MTREX: variants seen among roughly 807,000 people sequenced by gnomAD.
The protein encoded by MTREX is exosome RNA helicase MTR4.
In MTREX, 76 loss-of-function variants were observed where a neutral mutation model predicts 135.4. The observed-to-expected ratio is 0.56, with a 90% CI of 0.47 to 0.68. The LOEUF is 0.68. MTREX is among the 30% of genes least tolerant of loss of function. The pLI is 0.00. For missense variants in MTREX, 920 were observed against 1,262.1 expected, an observed-to-expected ratio of 0.73 and a Z score of 4.11; for synonymous variants, 404 against 401.6, an observed-to-expected ratio of 1.01 and a Z score of -0.07.
chr5:55,421,920 T>G (rs1751061146), intron 25 of MTREX, among the ~76,000 whole-genome samples: 1 of 152,204 alleles, frequency 6.6e-6, no homozygotes, highest in Non-Finnish European at 1.5e-5. Context: ...TCCTACCCTC[T>G]CTCTTGACAC....
chr5:55,413,301 C>T (rs1750912479), intron 23 of MTREX, among the ~76,000 whole-genome samples: 1 of 149,168 alleles, frequency 6.7e-6, no homozygotes, highest in African/African-American at 2.5e-5. Flanking sequence ...TGCACCATTG[C>T]ACTCCAGCTG....
chr5:55,409,935 C>T (rs1254400420), intron 22 of MTREX, among the ~76,000 whole-genome samples: 2 of 152,096 alleles, frequency 1.3e-5, no homozygotes, highest in African/African-American at 2.4e-5. Flanking sequence ...AGTCTTCTGG[C>T]CAGGTGTAGT....
intron 19 of MTREX, among the ~76,000 whole-genome samples, chr5:55,388,756 C>G (rs1750520519): frequency 6.6e-6 from 1 of 152,134 alleles, no homozygotes; most frequent in African/African-American, 2.4e-5. Flanking sequence ...GGAGGAGGCT[C>G]TGTAATGACT....
chr5:55,340,158 G>A lies in MTREX; in HGVS notation c.664G>A (p.Ala222Thr), dbSNP rs1434720071. The A allele has an allele frequency of 6.3e-7, 1 of 1,593,726 alleles. No homozygotes were observed. Among genetic ancestry groups the A allele is most frequent in the South Asian group, 1.1e-5 (1 of 87,160 alleles). The change falls in exon 6 of 27, where the codon GCA becomes ACA. Residue 222 changes from alanine (A) to threonine (T), a missense_variant. Around this residue, in one of 6 missense-constraint regions of MTREX, gnomAD observed 88 missense variants for 202.5 expected, o/e 0.43. Transcript: ENST00000230640. ...TGGTGATGTTACTATTAATCCTACG[G>A]CATCTTGTCTTGTTATGACCACAGA... is the stretch of plus-strand genomic sequence containing the variant. ...MTGDVTINPT[A>T]SCLVMTTEIL... is the part of the protein sequence containing the mutation.
chr5:55,309,815 T>G (rs940385859), intron 1 of MTREX, among the ~76,000 whole-genome samples: 1 of 152,128 alleles, frequency 6.6e-6, no homozygotes, highest in African/African-American at 2.4e-5. Context: ...ACAGAACTTC[T>G]GGAGAGGGTA....
intron 4 of MTREX, 44 bp from the exon 5 acceptor site, chr5:55,328,655 C>A: frequency 7.6e-7 from 1 of 1,315,918 alleles, no homozygotes; most frequent in Non-Finnish European, 1.1e-6. Context: ...TGCTCTGATA[C>A]AACTAGATGT....
Position 55,397,506 on chromosome 5 carries a change from A to G in MTREX, c.2272A>G (p.Ser758Gly). ...KDLRPVDNRQ[S>G]VLKSIQEVQK... ...CCTTCGGCCGGTGGACAATAGACAG[A>G]GTGTTTTAAAATCAATACAGGTATG... Residue 758 changes from serine (S) to glycine (G), a missense_variant, in exon 20 of 27, where the codon AGT becomes GGT. Ser to Gly is a moderately conservative substitution (Grantham distance 56, BLOSUM62 0). Coordinates refer to ENST00000230640, the MANE Select transcript of MTREX (RefSeq NM_015360.5). 6.2e-7 allele frequency: 1 copy of G among 1,604,770 alleles called. No individual in the cohort carries two copies. Among genetic ancestry groups the G allele is most frequent in the South Asian group, 1.1e-5 (1 of 90,108 alleles).
At chr5:55,336,164 A>G (rs1024852538) in intron 5 of MTREX, among the ~76,000 whole-genome samples, 1 of 152,146 alleles carries the variant, frequency 6.6e-6, no homozygotes, top group Non-Finnish European at 1.5e-5. Context: ...AAGACTTTCT[A>G]TATAGATGAT....
intron 25 of MTREX, 107 bp downstream of exon 25, chr5:55,416,239 A>C: frequency 2.9e-6 from 2 of 679,282 alleles, no homozygotes; most frequent in Non-Finnish European, 4.7e-6. Flanking sequence ...TTTGGTAACT[A>C]AATGAAATCT....
chr5:55,355,983 A>G (rs1749906060), intron 14 of MTREX, among the ~76,000 whole-genome samples: 1 of 152,178 alleles, frequency 6.6e-6, no homozygotes, highest in Non-Finnish European at 1.5e-5. Context: ...AGGGTTAGGG[A>G]GACAGTGAAG....
At position 55,414,168 on chromosome 5, in the gene MTREX, C is replaced by T. The variant is rs762652256; in HGVS notation, c.2752-14C>T. Reference sequence around the variant, plus strand: ...ACGTGGGTTTTTATATCTTGTTTTCCTTTTCTTTTATAGTCTAGTGAGATG... The same window carrying T: ...ACGTGGGTTTTTATATCTTGTTTTCTTTTTCTTTTATAGTCTAGTGAGATG... On this transcript the variant is annotated splice_polypyrimidine_tract_variant and intron_variant, in intron 23 of 26. Coordinates refer to ENST00000230640, the MANE Select transcript of MTREX (RefSeq NM_015360.5). 1.4e-5 allele frequency: 21 copies of T among 1,531,482 alleles called. 1 individual carries two copies. In the South Asian group the frequency reaches 2.8e-4, roughly 20 times the overall value. The allele number at this position is 1,531,482 out of a possible 1,614,324, so 94.9% of individuals were successfully genotyped here.
chr5:55,319,494 A>G (rs1417345938), intron 1 of MTREX, among the ~76,000 whole-genome samples: 2 of 152,160 alleles, frequency 1.3e-5, no homozygotes, highest in Non-Finnish European at 2.9e-5. Context: ...GTTGGCCAAT[A>G]AGTTATAATT....
chr5:55,394,036 CA>C (rs1399575038), intron 19 of MTREX, among the ~76,000 whole-genome samples: 1 of 152,114 alleles, frequency 6.6e-6, no homozygotes, highest in Non-Finnish European at 1.5e-5. Context: ...TTATGGAAAG[CA>C]GCCTTTGAAA....
At chr5:55,324,377 C>T (rs1459058110) in intron 3 of MTREX, 179 bp downstream of exon 3, 1 of 350,412 alleles carries the variant, frequency 2.9e-6, no homozygotes, top group Non-Finnish European at 5.1e-6. Flanking sequence ...CAGATCCTCC[C>T]CCAGCATTTT....
At chr5:55,381,040 T>C (rs1045461960) in intron 18 of MTREX, among the ~76,000 whole-genome samples, 1 of 152,206 alleles carries the variant, frequency 6.6e-6, no homozygotes, top group African/African-American at 2.4e-5. Flanking sequence ...GTTCTTCAGA[T>C]TGTCTGTAAT....
intron 7 of MTREX, 91 bp from the exon 8 acceptor site, chr5:55,343,240 T>C: frequency 1.7e-6 from 2 of 1,178,408 alleles, no homozygotes; most frequent in Non-Finnish European, 2.4e-6. Flanking sequence ...CATTTCTAAC[T>C]ATAAAGCTTC....
chr5:55,416,073 A>T lies in MTREX; in HGVS notation c.2912A>T (p.Tyr971Phe). 1 of 1,597,006 alleles carries T rather than the reference A, an allele frequency of 6.3e-7. No individual in the cohort carries two copies. The change falls in exon 25 of 27, where the codon TAT becomes TTT. Residue 971 changes from tyrosine (Y) to phenylalanine (F), a missense_variant. Around this residue, in one of 6 missense-constraint regions of MTREX, gnomAD observed 467 missense variants for 589.7 expected, o/e 0.79. Transcript: ENST00000230640. ...SFKPHLMDVV[Y>F]TWATGATFAH... ...AAACCTCACTTAATGGATGTAGTAT[A>T]TACCTGGGCAACTGGAGCTACATTT...
chr5:55,402,674 A>G (rs1341412169), intron 21 of MTREX, among the ~76,000 whole-genome samples: 2 of 152,144 alleles, frequency 1.3e-5, no homozygotes, highest in Non-Finnish European at 2.9e-5. Context: ...TACACCAGAA[A>G]AGACTGAAAG....
chr5:55,345,174 A>T lies in MTREX; in HGVS notation c.1086A>T (p.Lys362Asn). The T allele has an allele frequency of 6.2e-7, 1 of 1,611,534 alleles. No individual in the cohort carries two copies. Among genetic ancestry groups the T allele is most frequent in the Non-Finnish European group, 8.5e-7 (1 of 1,178,002 alleles). ...DAGDLAKGDQ[K>N]GRKGGTKGPS... ...GTGATTTGGCCAAAGGAGACCAGAA[A>T]GGGCGGAAAGGAGGAACAAAAGGTA... Residue 362 changes from lysine (K) to asparagine (N), a missense_variant, in exon 10 of 27, where the codon AAA (lysine) becomes AAT (asparagine). Physicochemically the swap from Lys to Asn is moderately conservative, Grantham distance 94. This residue lies in a region of MTREX where 101 missense variants were observed against 119.1 expected (regional missense o/e 0.85). Coordinates refer to ENST00000230640, the MANE Select transcript of MTREX (RefSeq NM_015360.5).
Sources: allele counts gnomAD v4.1 joint callset (sites outside exome capture counted in the v4.1 genomes callset), GRCh38; gene constraint gnomAD v4.1.1; regional missense constraint gnomAD v4.1.1; transcripts MANE v1.5; gene names NCBI Gene and HGNC (gene_info 2026-07-23, HGNC 2026-07-21).